The following DRC3 variants were observed in gnomAD, a reference collection of about 807,000 sequenced individuals.
DRC3 encodes the protein leucine rich repeat containing 48.
DRC3 carries 45 observed loss-of-function variants against 57.6 expected under a neutral mutation model. The ratio of observed to expected loss-of-function variants is 0.78; its 90% CI spans 0.62 to 1.00. DRC3 has a LOEUF of 1.00. Among genes scored for constraint, DRC3 ranks in the 50% least tolerant of loss-of-function variants. The probability of loss-of-function intolerance (pLI) is 0.00; values close to 1 mark genes in which losing one functional copy is unlikely to be tolerated. For missense variants in DRC3, 655 were observed against 675.2 expected (o/e 0.97, Z 0.33); for synonymous variants, 257 against 272.3 (o/e 0.94, Z 0.55).
At chr17:17,973,821 A>T (rs1352683468) in intron 1 of DRC3, 31 bp from the exon 2 acceptor site, 1 of 152,140 alleles carries the variant, frequency 6.6e-6, no homozygotes, top group Non-Finnish European at 1.5e-5. Flanking sequence ...TAGTTTTCAG[A>T]TCCTGTTGAC....
chr17:17,999,996 A>G (rs963041275), intron 9 of DRC3, among the ~76,000 whole-genome samples: 17 of 150,486 alleles, frequency 1.1e-4, no homozygotes, highest in Admixed American at 9.2e-4. Context: ...GTGTGTGAGC[A>G]TAGCATGCCC....
chr17:18,005,818 C>T, intron 10 of DRC3: 1 of 263,416 alleles, frequency 3.8e-6, no homozygotes, highest in South Asian at 5.4e-5. Context: ...CAGCTCACTC[C>T]ACTGTTTCCC....
Position 18,000,130 on chromosome 17 carries a change from C to A in DRC3, c.999+2496C>A, listed in dbSNP as rs571080635. Among the ~76,000 whole-genome samples, 198 of 134,464 alleles carry A rather than the reference C, an allele frequency of 1.5e-3. 1 individual carries two copies. The highest frequency in any genetic ancestry group is 5.5e-3 in the African/African-American group (191 of 35,016). 88.2% of individuals were successfully genotyped at this position (134,464 alleles called of 152,430 possible). A position where few individuals can be genotyped will look rare whatever the true frequency, so the allele number is the denominator to read the frequency against. ...TGAGCATAGCATGCCTTGTTCTGTA[C>A]TTTGCTTTCCTATGTGTGTGTACAT... On this transcript the variant is annotated intron_variant, in intron 9 of 13. Coordinates refer to ENST00000399187, the MANE Select transcript of DRC3 (RefSeq NM_031294.4).
At chr17:17,977,502 A>T (rs572538491) in intron 2 of DRC3, 80 bp from the exon 3 acceptor site, 1 of 1,546,312 alleles carries the variant, frequency 6.5e-7, no homozygotes, top group African/African-American at 1.4e-5. Flanking sequence ...ACAAGACACT[A>T]CAGGGGGAAA....
At position 17,992,755 on chromosome 17, in the gene DRC3, T is replaced by G; in HGVS notation, c.445-10T>G. The G allele has an allele frequency of 6.2e-7, 1 of 1,612,294 alleles. No individual in the cohort carries two copies. The highest frequency in any genetic ancestry group is 8.5e-7 in the Non-Finnish European group (1 of 1,178,998). Reference sequence around the variant, plus strand: ...CAAGAAAATGGGCCTTTCTCCCTTTTTCTCCCCAGATCATCTACCTCCGGC... The same window carrying G: ...CAAGAAAATGGGCCTTTCTCCCTTTGTCTCCCCAGATCATCTACCTCCGGC... On this transcript the variant is annotated splice_polypyrimidine_tract_variant and intron_variant, in intron 5 of 13. Coordinates refer to ENST00000399187, the MANE Select transcript of DRC3 (RefSeq NM_031294.4).
intron 3 of DRC3, among the ~76,000 whole-genome samples, chr17:17,982,808 T>G (rs2145237368): frequency 6.6e-6 from 1 of 151,916 alleles, no homozygotes; most frequent in Non-Finnish European, 1.5e-5. Context: ...TCTCTTGAAC[T>G]TGTGATCCGC....
rs745875240 is a variant in DRC3, at chr17:17,977,573, G to A, written c.-17-9G>A. On this transcript the variant is annotated splice_polypyrimidine_tract_variant and intron_variant, in intron 2 of 13. Transcript: ENST00000399187. ...GCAGGCCGTGAAGGAAGAATGCGGT[G>A]TTTTTTAGGGAAAACGTGGGGGAAG... is the stretch of plus-strand genomic sequence containing the variant. The A allele has an allele frequency of 1.2e-6, 2 of 1,613,796 alleles. No individual in the cohort carries two copies. The highest frequency in any genetic ancestry group is 1.7e-6 in the Non-Finnish European group (2 of 1,179,806).
In DRC3 at chr17:18,007,135, C is replaced by A. The variant is rs781708878; in HGVS notation, c.1314C>A (p.Asn438Lys). 1.7e-5 allele frequency: 17 copies of A among 1,000,706 alleles called. No individual in the cohort carries two copies. The Admixed American group carries it at 2.3e-4, about 14-fold the overall frequency. The allele number at this position is 1,000,706 out of a possible 1,614,324, so 62.0% of individuals were successfully genotyped here. A position where few individuals can be genotyped will look rare whatever the true frequency, so the allele number is the denominator to read the frequency against. Residue 438 changes from asparagine to lysine, a missense_variant, in exon 12 of 14, where the codon AAC (asparagine) becomes AAA (lysine). Transcript: ENST00000399187. ...VEGDLDEDLP[N>K]DLRALFVDKD... ...GCGACCTGGACGAGGACCTGCCTAA[C>A]GACCTGCGCGCGGTAGGCGGGGCGG...
In DRC3 at chr17:18,007,574, G is replaced by A. The variant is rs187320206; in HGVS notation, c.1326+427G>A. 2.8e-5 allele frequency: 41 copies of A among 1,478,426 alleles called. No homozygotes were observed. The African/African-American group carries it at 3.8e-4, about 14-fold the overall frequency. 91.6% of individuals were successfully genotyped at this position (1,478,426 alleles called of 1,614,324 possible). ...TTTCTGATCCTGCACAATGCCATCC[G>A]GTTTGCACCAGCACATCCACTGATG... is the stretch of plus-strand genomic sequence containing the variant. On this transcript the variant is annotated intron_variant, in intron 12 of 13. Transcript: ENST00000399187.
chr17:17,974,475 G>A (rs992105500), intron 2 of DRC3, among the ~76,000 whole-genome samples: 7 of 152,180 alleles, frequency 4.6e-5, no homozygotes, highest in South Asian at 2.1e-4. Context: ...GGTTTCAAGC[G>A]ATTCTCCTGC....
intron 12 of DRC3, among the ~76,000 whole-genome samples, chr17:18,010,021 T>C (rs2044113738): frequency 6.6e-6 from 1 of 152,216 alleles, no homozygotes; most frequent in Non-Finnish European, 1.5e-5. Context: ...GCTGCCTGGC[T>C]GCTCTGAACA....
intron 13 of DRC3, 137 bp downstream of exon 13, chr17:18,016,332 C>A: frequency 9.5e-7 from 1 of 1,047,128 alleles, no homozygotes; most frequent in Non-Finnish European, 1.4e-6. Flanking sequence ...TATAGAATTC[C>A]ACACTGAAGA....
intron 5 of DRC3, among the ~76,000 whole-genome samples, chr17:17,991,864 G>T (rs1398366345): frequency 1.3e-5 from 2 of 152,196 alleles, no homozygotes; most frequent in African/African-American, 2.4e-5. Flanking sequence ...TGCCTGGCCA[G>T]GTGCAGTGGC....
At chr17:18,007,693 G>A in intron 12 of DRC3, 5 of 1,319,894 alleles carry the variant, frequency 3.8e-6, no homozygotes, top group Non-Finnish European at 4.9e-6. Context: ...TCTGCGCTGG[G>A]TCCCGCGGCA....
At chr17:17,997,657 C>T in intron 9 of DRC3, 23 bp downstream of exon 9, 2 of 1,564,070 alleles carry the variant, frequency 1.3e-6, no homozygotes, top group South Asian at 1.2e-5. Context: ...CCTCCTGAGG[C>T]CCTCCCTGTC....
Position 17,977,738 on chromosome 17 carries a change from C to A in DRC3, c.140C>A (p.Ser47Tyr). 6 of 1,608,284 alleles carry A rather than the reference C, an allele frequency of 3.7e-6. No individual in the cohort carries two copies. The highest frequency in any genetic ancestry group is 5.1e-6 in the Non-Finnish European group (6 of 1,176,732). ...GGCATCCTCTTCAAGGATGTCCTGT[C>A]CCTGCAGCTGGACTTTCGGAGTATG... is the stretch of plus-strand genomic sequence containing the variant. ...QEGILFKDVL[S>Y]LQLDFRNILR... Residue 47 changes from serine (S) to tyrosine (Y), a missense_variant, in exon 3 of 14, where the codon TCC (serine) becomes TAC (tyrosine). Transcript: ENST00000399187.
At chr17:17,992,064 TAGG>T (rs1241275779) in intron 5 of DRC3, among the ~76,000 whole-genome samples, 1 of 152,122 alleles carries the variant, frequency 6.6e-6, no homozygotes, top group African/African-American at 2.4e-5. Context: ...CGCTTGAGCC[TAGG>T]AGTTTGAGAC....
intron 9 of DRC3, among the ~76,000 whole-genome samples, chr17:18,003,484 TAAAAAAAAAAAA>T (rs71155309): frequency 1.1e-3 from 34 of 30,130 alleles, no homozygotes; most frequent in African/African-American, 2.9e-3. Flanking sequence ...ACTACGTCTT[TAAAAAAAAAAAA>T]AAAAAAAAAA....
intron 6 of DRC3, 44 bp downstream of exon 6, chr17:17,992,955 C>T: frequency 6.2e-7 from 1 of 1,606,172 alleles, no homozygotes; most frequent in Non-Finnish European, 8.5e-7. Flanking sequence ...GAGACAGATT[C>T]CTCAAGCCCC....
Sources: allele counts gnomAD v4.1 joint callset (sites outside exome capture counted in the v4.1 genomes callset), GRCh38; gene constraint gnomAD v4.1.1; transcripts MANE v1.5; gene names NCBI Gene and HGNC (gene_info 2026-07-23, HGNC 2026-07-21).